The following COG5 variants were observed in gnomAD, a reference collection of about 807,000 sequenced individuals.
The protein encoded by COG5 is conserved oligomeric Golgi complex subunit 5.
COG5 carries 86 observed loss-of-function variants against 110.4 expected under a neutral mutation model. That is an observed-to-expected ratio of 0.78 (90% CI 0.65 to 0.93). COG5 has a LOEUF of 0.93. Among genes scored for constraint, COG5 ranks in the 40% least tolerant of loss-of-function variants. The pLI is 0.00. For synonymous variants in COG5, 360 were observed against 334.6 expected, an observed-to-expected ratio of 1.08 and a Z score of -0.83; for missense variants, 1,077 against 987.0, an observed-to-expected ratio of 1.09 and a Z score of -1.22.
At position 107,505,225 on chromosome 7, in the gene COG5, A is replaced by T. The variant is rs1021147410; in HGVS notation, c.538+22012T>A. Among the ~76,000 whole-genome samples, 6 of 152,256 alleles carry T rather than the reference A, an allele frequency of 3.9e-5. No individual in the cohort carries two copies. In the East Asian group the frequency reaches 1.2e-3, roughly 29 times the overall value. Reference sequence around the variant, plus strand: ...ATACAGGAGGTGTCCACAGGTAAAAACCAGCTTTGGCTAAAGCAGGTGGGT... The same window carrying T: ...ATACAGGAGGTGTCCACAGGTAAAATCCAGCTTTGGCTAAAGCAGGTGGGT... On this transcript the variant is annotated intron_variant, in intron 6 of 21. Coordinates refer to ENST00000297135, the MANE Select transcript of COG5 (RefSeq NM_006348.5).
At chr7:107,386,896 G>C (rs117883294) in intron 7 of COG5, among the ~76,000 whole-genome samples, 1 of 152,154 alleles carries the variant, frequency 6.6e-6, no homozygotes, top group Non-Finnish European at 1.5e-5. Flanking sequence ...GGGGAAGGAG[G>C]AGGAAAGTCA....
chr7:107,536,399 G>A (rs1801586395), intron 5 of COG5, among the ~76,000 whole-genome samples: 1 of 152,138 alleles, frequency 6.6e-6, no homozygotes, highest in Admixed American at 6.5e-5. Flanking sequence ...AACTCCTTAA[G>A]CTGATAAGCA....
At chr7:107,437,516 C>T (rs556970042) in intron 6 of COG5, among the ~76,000 whole-genome samples, 3 of 152,268 alleles carry the variant, frequency 2.0e-5, no homozygotes, top group Non-Finnish European at 2.9e-5. Flanking sequence ...CGAATAGCCA[C>T]TGTGTGACAG....
chr7:107,554,292 C>A lies in COG5; in HGVS notation c.285G>T (p.Ser95=), dbSNP rs746581392. Residue 95 remains serine (S), a synonymous_variant, in exon 3 of 22, where the codon TCG becomes TCT. Coordinates refer to ENST00000297135, the MANE Select transcript of COG5 (RefSeq NM_006348.5). ...CAGTTATTAGAAATATACCTTCCAA[C>A]GACTCAATCCCAGTTGCTTGTGCCA... The part of the protein sequence containing the change: ...DLLAQATGIE[S]LEGVLQMMQT... 1 of 1,613,588 alleles carries A rather than the reference C, an allele frequency of 6.2e-7. No individual in the cohort carries two copies. Among genetic ancestry groups the A allele is most frequent in the African/African-American group, 1.3e-5 (1 of 74,916 alleles).
At chr7:107,259,618 T>C (rs1803165525) in intron 14 of COG5, among the ~76,000 whole-genome samples, 1 of 152,092 alleles carries the variant, frequency 6.6e-6, no homozygotes, top group Non-Finnish European at 1.5e-5. Flanking sequence ...AACATACATC[T>C]GACTATAATG....
At chr7:107,393,918 T>A (rs1182710980) in intron 7 of COG5, among the ~76,000 whole-genome samples, 1 of 152,090 alleles carries the variant, frequency 6.6e-6, no homozygotes, top group Non-Finnish European at 1.5e-5. Context: ...GATTATAATA[T>A]AAAATTTGAT....
intron 3 of COG5, among the ~76,000 whole-genome samples, chr7:107,549,693 C>T (rs962152104): frequency 3.3e-5 from 5 of 151,840 alleles, no homozygotes; most frequent in African/African-American, 7.3e-5. Flanking sequence ...TGAGCCACCA[C>T]GCCTGGCCTT....
chr7:107,404,265 A>G (rs1791648053), intron 7 of COG5, among the ~76,000 whole-genome samples: 1 of 152,200 alleles, frequency 6.6e-6, no homozygotes, highest in South Asian at 2.1e-4. Context: ...TCAGAAATTA[A>G]TTATTAAATG....
intron 10 of COG5, among the ~76,000 whole-genome samples, chr7:107,331,722 T>A (rs1399520722): frequency 6.6e-6 from 1 of 152,016 alleles, no homozygotes; most frequent in Non-Finnish European, 1.5e-5. Context: ...GGATGAAGAT[T>A]ATGCAACCAA....
At chr7:107,237,118 G>A (rs919591714) in intron 17 of COG5, among the ~76,000 whole-genome samples, 19 of 152,144 alleles carry the variant, frequency 1.2e-4, no homozygotes, top group Non-Finnish European at 5.9e-5. Flanking sequence ...AGAAAATGCT[G>A]CTTTCCCTAT....
intron 7 of COG5, among the ~76,000 whole-genome samples, chr7:107,377,694 C>T (rs1371590082): frequency 6.6e-6 from 1 of 152,132 alleles, no homozygotes; most frequent in Non-Finnish European, 1.5e-5. Context: ...TGCATAACAG[C>T]AAAAATAAGA....
At chr7:107,453,178 GAAC>G (rs1322869459) in intron 6 of COG5, among the ~76,000 whole-genome samples, 20 of 152,114 alleles carry the variant, frequency 1.3e-4, no homozygotes, top group Admixed American at 1.2e-3. Context: ...AAAATAATCT[GAAC>G]AATAGTCACA....
chr7:107,471,906 C>T (rs1261938890), intron 6 of COG5: 3 of 151,802 alleles, frequency 2.0e-5, no homozygotes, highest in Admixed American at 2.0e-4. Flanking sequence ...AAGGACATGG[C>T]CTGGATTTAT....
intron 21 of COG5, chr7:107,208,570 A>T (rs966586630): frequency 4.2e-5 from 41 of 985,308 alleles, no homozygotes; most frequent in Non-Finnish European, 4.8e-5. Flanking sequence ...CCACACAGAC[A>T]TTGCAAATCC....
intron 3 of COG5, among the ~76,000 whole-genome samples, chr7:107,552,772 T>C (rs1803007019): frequency 1.3e-5 from 2 of 152,096 alleles, no homozygotes; most frequent in Admixed American, 6.6e-5. Flanking sequence ...GGATATATAT[T>C]CAAAAGAAAA....
intron 12 of COG5, among the ~76,000 whole-genome samples, chr7:107,294,799 T>G (rs1448222347): frequency 2.2e-5 from 3 of 139,362 alleles, no homozygotes; most frequent in Admixed American, 7.3e-5. Flanking sequence ...CACTGCAATC[T>G]CCACCTCCTG....
At chr7:107,337,188 G>A (rs186301449) in intron 10 of COG5, among the ~76,000 whole-genome samples, 302 of 152,054 alleles carry the variant, frequency 2.0e-3, no homozygotes, top group Admixed American at 2.5e-3. Flanking sequence ...GAACACTTAC[G>A]CATTGTTGGT....
intron 6 of COG5, among the ~76,000 whole-genome samples, chr7:107,503,466 G>T (rs1798766326): frequency 6.6e-6 from 1 of 152,058 alleles, no homozygotes; most frequent in Non-Finnish European, 1.5e-5. Context: ...TTTTGCTTAG[G>T]ATTGCTTTGG....
intron 8 of COG5, among the ~76,000 whole-genome samples, chr7:107,367,460 A>C (rs1338756621): frequency 6.6e-6 from 1 of 151,994 alleles, no homozygotes; most frequent in Non-Finnish European, 1.5e-5. Context: ...TCAAAAAGAC[A>C]CCTACATGTG....
Sources: allele counts gnomAD v4.1 joint callset (sites outside exome capture counted in the v4.1 genomes callset), GRCh38; gene constraint gnomAD v4.1.1; transcripts MANE v1.5; gene names NCBI Gene and HGNC (gene_info 2026-07-23, HGNC 2026-07-21).